Variants in TYW1 observed in about 807,000 individuals in gnomAD.
TYW1 encodes the protein tRNA-yW synthesizing protein 1 homolog.
In TYW1, 46 loss-of-function variants were observed where a neutral mutation model predicts 96.2. The observed-to-expected ratio is 0.48, with a 90% confidence interval of 0.38 to 0.61. The LOEUF (loss-of-function observed/expected upper bound fraction) is 0.61, where lower values mean the gene tolerates loss of function less well. Among genes scored for constraint, TYW1 ranks in the 20% least tolerant of loss-of-function variants. The pLI, the probability that TYW1 is intolerant of heterozygous loss-of-function variation, is 0.00. For synonymous variants in TYW1, 274 were observed against 323.0 expected, an observed-to-expected ratio of 0.85 and a Z score of 1.63; for missense variants, 684 against 909.6, an observed-to-expected ratio of 0.75 and a Z score of 3.19.
chr7:67,004,147 T>C (rs989984027), intron 3 of TYW1, among the ~76,000 whole-genome samples: 8 of 152,194 alleles, frequency 5.3e-5, no homozygotes, highest in African/African-American at 1.9e-4. Context: ...AGTAACTCCA[T>C]GTTGTTGATT....
rs2129235067 is a variant in TYW1, at chr7:66,998,123, G to A, written c.63G>A (p.Arg21=). Reference sequence around the variant, plus strand: ...CTTTAATATCATTATGGATAAACAGGTTTTACATTTATTTGGGCTTTGCTG... The same window carrying A: ...CTTTAATATCATTATGGATAAACAGATTTTACATTTATTTGGGCTTTGCTG... ...FSPLISLWIN[R]FYIYLGFAVS... The change falls in exon 2 of 16, where the codon AGG becomes AGA. Residue 21 remains arginine (R), a synonymous_variant. Coordinates refer to ENST00000359626, the MANE Select transcript of TYW1 (RefSeq NM_018264.4). The A allele has an allele frequency of 1.2e-6, 2 of 1,612,370 alleles. No individual in the cohort carries two copies. The highest frequency in any genetic ancestry group is 1.7e-6 in the Non-Finnish European group (2 of 1,179,560).
chr7:67,054,953 TC>T (rs1395980572), intron 8 of TYW1, among the ~76,000 whole-genome samples: 1 of 152,240 alleles, frequency 6.6e-6, no homozygotes, highest in Non-Finnish European at 1.5e-5. Flanking sequence ...AAGATGTAGT[TC>T]CTAGAATTTG....
intron 15 of TYW1, among the ~76,000 whole-genome samples, chr7:67,229,654 C>CAA (rs10661232): frequency 0.2 from 29,827 of 151,530 alleles, 3,395 homozygotes; most frequent in African/African-American, 0.31. Context: ...ATCAAACAAA[C>CAA]AAAAAAAACA....
intron 14 of TYW1, among the ~76,000 whole-genome samples, chr7:67,187,295 C>G (rs1320636254): frequency 1.3e-5 from 2 of 152,116 alleles, no homozygotes; most frequent in Non-Finnish European, 2.9e-5. Flanking sequence ...AACTCCTGAG[C>G]TCAGGTGATC....
chr7:67,141,318 G>A (rs894888987), intron 13 of TYW1, among the ~76,000 whole-genome samples: 2 of 152,016 alleles, frequency 1.3e-5, no homozygotes, highest in African/African-American at 4.8e-5. Flanking sequence ...AACCTAAGAG[G>A]CCATCATAAA....
chr7:67,158,710 C>T (rs1434884123), intron 13 of TYW1, among the ~76,000 whole-genome samples: 6 of 152,130 alleles, frequency 3.9e-5, no homozygotes, highest in African/African-American at 1.2e-4. Context: ...GCTGGGACTA[C>T]AGGTGCTCGC....
chr7:67,059,737 A>C lies in TYW1; in HGVS notation c.1155+3850A>C, dbSNP rs191413641. On this transcript the variant is annotated intron_variant, in intron 9 of 15. Transcript: ENST00000359626. ...CTTCCTTTTGATCAAGATCTTTCTC[A>C]GAAAGCATGACTGATCATTCATCTT... Among the ~76,000 whole-genome samples the C allele has an allele frequency of 2.6e-3, 395 of 151,402 alleles. 2 individuals are homozygous for C. Among genetic ancestry groups the C allele is most frequent in the Non-Finnish European group, 4.5e-3 (304 of 67,908 alleles).
At chr7:67,199,279 G>T (rs1800510108) in intron 15 of TYW1, among the ~76,000 whole-genome samples, 1 of 152,246 alleles carries the variant, frequency 6.6e-6, no homozygotes, top group East Asian at 1.9e-4. Context: ...GAGGTTGTAT[G>T]TCCTCAGATG....
At chr7:67,214,732 T>G (rs1801151654) in intron 15 of TYW1, among the ~76,000 whole-genome samples, 1 of 149,978 alleles carries the variant, frequency 6.7e-6, no homozygotes, top group African/African-American at 2.5e-5. Context: ...TTTGTCAAAT[T>G]GATTTTCTTC....
intron 15 of TYW1, among the ~76,000 whole-genome samples, chr7:67,207,274 C>T (rs1800834811): frequency 6.6e-6 from 1 of 152,132 alleles, no homozygotes; most frequent in African/African-American, 2.4e-5. Flanking sequence ...GATCAATAGC[C>T]CCCTTTCCTT....
At chr7:67,213,630 TC>T (rs1358115640) in intron 15 of TYW1, among the ~76,000 whole-genome samples, 1 of 152,182 alleles carries the variant, frequency 6.6e-6, no homozygotes, top group African/African-American at 2.4e-5. Flanking sequence ...CTAGATTTCC[TC>T]CCATGCTATT....
intron 13 of TYW1, among the ~76,000 whole-genome samples, chr7:67,160,130 G>T (rs1450906635): frequency 6.6e-6 from 1 of 152,054 alleles, no homozygotes; most frequent in African/African-American, 2.4e-5. Context: ...AGCCAGAGGC[G>T]GTGGCTAGTG....
chr7:67,040,799 ACG>A (rs1794993624), intron 7 of TYW1, among the ~76,000 whole-genome samples: 1 of 151,972 alleles, frequency 6.6e-6, no homozygotes, highest in Non-Finnish European at 1.5e-5. Context: ...AGCCGAGATC[ACG>A]CCACTGCACT....
chr7:67,200,305 C>T (rs10247344), intron 15 of TYW1, among the ~76,000 whole-genome samples: 37,822 of 151,414 alleles, frequency 0.25, 4,908 homozygotes, highest in Middle Eastern at 0.3. Flanking sequence ...TATTTGTCCG[C>T]TTTCACGCTG....
At position 67,234,909 on chromosome 7, in the gene TYW1, G is replaced by A. The variant is rs1420894133; in HGVS notation, c.1978-3399G>A. Reference sequence around the variant, plus strand: ...TCCCAGCTTGTGTGTGTATATTTGCGTGTACTAGATTGAGATATAAAGTAT... The same window carrying A: ...TCCCAGCTTGTGTGTGTATATTTGCATGTACTAGATTGAGATATAAAGTAT... On this transcript the variant is annotated intron_variant, in intron 15 of 15. Coordinates refer to ENST00000359626, the MANE Select transcript of TYW1 (RefSeq NM_018264.4). Among the ~76,000 whole-genome samples, 5 of 151,390 alleles carry A rather than the reference G, an allele frequency of 3.3e-5. No homozygotes were observed. The South Asian group carries it at 6.3e-4, about 19-fold the overall frequency.
chr7:67,138,740 T>C (rs1798351754), intron 13 of TYW1, among the ~76,000 whole-genome samples: 1 of 152,356 alleles, frequency 6.6e-6, no homozygotes, highest in East Asian at 1.9e-4. Flanking sequence ...TTTGCCTTTC[T>C]GTGCCTGGCT....
intron 7 of TYW1, among the ~76,000 whole-genome samples, chr7:67,035,375 C>T (rs1794804582): frequency 6.6e-6 from 1 of 152,058 alleles, no homozygotes; most frequent in Non-Finnish European, 1.5e-5. Context: ...CTCGGTCTCC[C>T]AAAGTGTTGG....
chr7:67,018,977 A>AAAAAAC (rs1562968206), intron 6 of TYW1, among the ~76,000 whole-genome samples: 7 of 100,422 alleles, frequency 7.0e-5, no homozygotes, highest in Non-Finnish European at 1.1e-4. Context: ...AAAAAAAGAA[A>AAAAAAC]AAAACAAAAT....
At chr7:67,157,099 T>C (rs1485176517) in intron 13 of TYW1, among the ~76,000 whole-genome samples, 1 of 151,906 alleles carries the variant, frequency 6.6e-6, no homozygotes, top group African/African-American at 2.4e-5. Context: ...GTGGAGGAGG[T>C]GAGTACCAAG....
Sources: allele counts gnomAD v4.1 joint callset (sites outside exome capture counted in the v4.1 genomes callset), GRCh38; gene constraint gnomAD v4.1.1; transcripts MANE v1.5; gene names NCBI Gene and HGNC (gene_info 2026-07-23, HGNC 2026-07-21).